Variants in LSP1 observed in about 807,000 individuals in gnomAD.
LSP1 encodes the protein lymphocyte-specific protein 1.
In LSP1, 32 loss-of-function variants were observed where a neutral mutation model predicts 49.3. The observed-to-expected ratio is 0.65, with a 90% CI of 0.49 to 0.87. LSP1 has a LOEUF of 0.87. Ranked by LOEUF, LSP1 falls within the 40% of genes least tolerant of loss-of-function variation. The probability of loss-of-function intolerance (pLI) is 0.00; values close to 1 mark genes in which losing one functional copy is unlikely to be tolerated. For missense variants in LSP1, 428 were observed against 442.6 expected (o/e 0.97, Z 0.30); for synonymous variants, 179 against 178.8 (o/e 1.00, Z -0.01).
intron 1 of LSP1, chr11:1,871,208 G>A: frequency 1.0e-6 from 1 of 986,320 alleles, no homozygotes. Flanking sequence ...AACAGGAGGA[G>A]GGGGGAAGAA....
chr11:1,891,343 G>A (rs1454490558), intron 10 of LSP1: 1 of 152,400 alleles, frequency 6.6e-6, no homozygotes, highest in African/African-American at 2.4e-5. Context: ...GAGTCCTGGG[G>A]GCTGCCGCTG....
At chr11:1,878,847 G>A (rs944183134) in intron 1 of LSP1, among the ~76,000 whole-genome samples, 1 of 152,124 alleles carries the variant, frequency 6.6e-6, no homozygotes, top group African/African-American at 2.4e-5. Context: ...GAGGGCGATG[G>A]GAGGCAGGGC....
chr11:1,880,820 C>A (rs918258074), intron 2 of LSP1: 1 of 153,452 alleles, frequency 6.5e-6, no homozygotes, highest in Admixed American at 6.5e-5. Context: ...CTTAGGAGGA[C>A]CTCATGTAGG....
At position 1,879,995 on chromosome 11, in the gene LSP1, G is replaced by A. The variant is rs747240705; in HGVS notation, c.54-92G>A. On this transcript the variant is annotated intron_variant, in intron 1 of 10. Coordinates refer to ENST00000311604, the MANE Select transcript of LSP1 (RefSeq NM_002339.3). The stretch of plus-strand genomic sequence containing the variant: ...TGGACAGGGCTGCCTGCACCGTGTG[G>A]CCCCAGCAAGGCCTGTGTAGATGGG... The A allele has an allele frequency of 1.1e-5, 16 of 1,485,004 alleles. No individual in the cohort carries two copies. In the African/African-American group the frequency reaches 2.1e-4, roughly 20 times the overall value. The allele number at this position is 1,485,004 out of a possible 1,614,324, so 92.0% of individuals were successfully genotyped here.
Position 1,884,867 on chromosome 11 carries a change from ACAACCAATACTCCTG to A in LSP1, c.717+301_717+315del, listed in dbSNP as rs1214736331. Among the ~76,000 whole-genome samples the A allele has an allele frequency of 1.5e-4, 23 of 151,844 alleles. No individual in the cohort carries two copies. The East Asian group carries it at 4.3e-3, about 28-fold the overall frequency. ...CTGCATCCAATTAATGTTCCTTTAT[ACAACCAATACTCCTG>A]CAACCAATACTCCTCCAATTATTCA... On this transcript the variant is annotated intron_variant, in intron 7 of 10. Transcript: ENST00000311604. This position sits in a 1 kb window ranked among gnomAD's most constrained non-coding sequence, Gnocchi z 4.1.
At chr11:1,870,665 G>T in intron 1 of LSP1, 1 of 1,082,834 alleles carries the variant, frequency 9.2e-7, no homozygotes, top group Non-Finnish European at 1.1e-6. Flanking sequence ...CGCCCAGGTG[G>T]GCACCACGTC....
At chr11:1,877,467 CTCAG>C (rs1848359659) in intron 1 of LSP1, among the ~76,000 whole-genome samples, 1 of 152,196 alleles carries the variant, frequency 6.6e-6, no homozygotes, top group Non-Finnish European at 1.5e-5. Context: ...CCAGGGAGAG[CTCAG>C]TCGGAGTGAT....
chr11:1,861,821 G>A (rs1847643914), intron 1 of LSP1, among the ~76,000 whole-genome samples: 1 of 150,444 alleles, frequency 6.6e-6, no homozygotes. Flanking sequence ...ATGGATGGGT[G>A]AATGGATGGA....
At chr11:1,886,284 A>T (rs746094825) in intron 7 of LSP1, among the ~76,000 whole-genome samples, 1 of 149,286 alleles carries the variant, frequency 6.7e-6, no homozygotes, top group Non-Finnish European at 1.5e-5. Context: ...TCTAACAAAC[A>T]CTCCCTCATA....
At chr11:1,859,791 G>T (rs1847579926) in intron 1 of LSP1, among the ~76,000 whole-genome samples, 1 of 149,424 alleles carries the variant, frequency 6.7e-6, no homozygotes, top group Non-Finnish European at 1.5e-5. Context: ...AGCAGTGCCT[G>T]CTTGAACAGA....
chr11:1,887,759 A>T (rs1021761320), intron 10 of LSP1, among the ~76,000 whole-genome samples, 183 bp downstream of exon 10: 3 of 152,082 alleles, frequency 2.0e-5, no homozygotes, highest in Admixed American at 6.5e-5. Context: ...CTCACCTGAT[A>T]CCAGATTCAA....
intron 1 of LSP1, among the ~76,000 whole-genome samples, chr11:1,868,442 C>T (rs55709545): frequency 0.04 from 6,099 of 152,344 alleles, 394 homozygotes; most frequent in African/African-American, 0.13. Flanking sequence ...CTTGGCTCTC[C>T]GCAGGGCTCT....
chr11:1,877,326 A>C (rs1417142239), intron 1 of LSP1, among the ~76,000 whole-genome samples: 1 of 152,116 alleles, frequency 6.6e-6, no homozygotes, highest in Non-Finnish European at 1.5e-5. Context: ...AGGGGCCCAG[A>C]GGCCTCCACG....
At chr11:1,859,728 A>C (rs1847578108) in intron 1 of LSP1, among the ~76,000 whole-genome samples, 1 of 6,386 alleles carries the variant, frequency 1.6e-4, no homozygotes, top group East Asian at 5.1e-3. Flanking sequence ...CCCAGCACCC[A>C]TGACCCACCA....
chr11:1,870,328 G>A (rs1205247745), intron 1 of LSP1: 43 of 1,291,674 alleles, frequency 3.3e-5, no homozygotes, highest in Non-Finnish European at 4.1e-5. Flanking sequence ...GGGGGTGCCC[G>A]CAGCACCCGG....
chr11:1,880,588 G>A (rs1848498684), intron 2 of LSP1: 1 of 226,524 alleles, frequency 4.4e-6, no homozygotes. Context: ...AGGCTGGCTT[G>A]CTTCCTCCTT....
At chr11:1,877,807 T>C (rs1848374542) in intron 1 of LSP1, among the ~76,000 whole-genome samples, 1 of 152,164 alleles carries the variant, frequency 6.6e-6, no homozygotes, top group Non-Finnish European at 1.5e-5. Context: ...GGTGTGCACC[T>C]GCGTGTGCCC....
chr11:1,887,404 C>T, intron 9 of LSP1, 70 bp from the exon 10 acceptor site: 1 of 1,582,098 alleles, frequency 6.3e-7, no homozygotes, highest in East Asian at 2.2e-5. Flanking sequence ...GGAGGGCTTC[C>T]CAGAGGCGGA....
chr11:1,868,177 G>A (rs527702320), intron 1 of LSP1, among the ~76,000 whole-genome samples: 34 of 152,378 alleles, frequency 2.2e-4, no homozygotes, highest in Admixed American at 1.7e-3. Context: ...CTCAGCCAGC[G>A]GCCTGGCCCT....
Sources: gnomAD v4.1 joint callset for allele counts (sites outside exome capture counted in the v4.1 genomes callset) on GRCh38, gnomAD v4.1.1 for gene constraint, Gnocchi (gnomAD v3.1) non-coding constraint, MANE v1.5 for transcripts, NCBI Gene and HGNC (gene_info 2026-07-23, HGNC 2026-07-21) for gene names.